CES5A: variants seen among roughly 807,000 people sequenced by gnomAD.
CES5A encodes carboxylesterase 5.
A neutral mutation model predicts 62.9 loss-of-function variants in CES5A; 67 were observed. The ratio of observed to expected loss-of-function variants is 1.07; its 90% CI spans 0.88 to 1.31. The LOEUF is 1.31. Ranked by LOEUF, CES5A falls within the 50% of genes most tolerant of loss-of-function variation. The pLI is 0.00. For missense variants in CES5A, 748 were observed against 708.5 expected (o/e 1.06, Z -0.63); for synonymous variants, 296 against 280.8 (o/e 1.05, Z -0.54).
At chr16:55,871,785 A>C (rs200930153) in intron 2 of CES5A, 22 bp from the exon 3 acceptor site, 4 of 1,610,582 alleles carry the variant, frequency 2.5e-6, no homozygotes, top group Non-Finnish European at 3.4e-6. Context: ...AGAGGAGAAA[A>C]CCCTCAGAAA....
chr16:55,875,960 G>GCCAAA (rs1314770090), upstream of CES5A, among the ~76,000 whole-genome samples: 1 of 152,120 alleles, frequency 6.6e-6, no homozygotes, highest in East Asian at 1.9e-4. Flanking sequence ...CCCCCATTTT[G>GCCAAA]GATGTCTTTC....
upstream of CES5A, among the ~76,000 whole-genome samples, chr16:55,876,413 G>A (rs1007320024): frequency 3.3e-5 from 5 of 152,136 alleles, no homozygotes; most frequent in South Asian, 6.2e-4. Context: ...CCATTACAAC[G>A]AAAGGGTGGT....
At chr16:55,849,348 A>AT (rs570857360) in intron 11 of CES5A, among the ~76,000 whole-genome samples, 381 of 73,576 alleles carry the variant, frequency 5.2e-3, no homozygotes, top group South Asian at 0.04. Flanking sequence ...GTTCTAGTAT[A>AT]TTAAAAAAAA....
chr16:55,854,840 C>A (rs1372032593), intron 9 of CES5A, among the ~76,000 whole-genome samples: 1 of 152,096 alleles, frequency 6.6e-6, no homozygotes, highest in Non-Finnish European at 1.5e-5. Flanking sequence ...TTTCAGAGGG[C>A]TTTTTCTAAA....
chr16:55,883,544 A>G (rs1469199561), intron 1 of CES5A, among the ~76,000 whole-genome samples: 1 of 152,178 alleles, frequency 6.6e-6, no homozygotes, highest in African/African-American at 2.4e-5. Context: ...GAGTGCTGGG[A>G]TTACAGGTGT....
At chr16:55,863,530 C>G (rs768955088) in intron 5 of CES5A, 78 bp from the exon 6 acceptor site, 2 of 810,802 alleles carry the variant, frequency 2.5e-6, no homozygotes, top group Non-Finnish European at 4.4e-6. Context: ...TTCAAAGAAA[C>G]CTTCCCAGGA....
At chr16:55,872,266 G>A (rs117904820) in intron 2 of CES5A, among the ~76,000 whole-genome samples, 8 of 152,286 alleles carry the variant, frequency 5.3e-5, no homozygotes, top group South Asian at 2.1e-4. Flanking sequence ...TGCTCAAGCC[G>A]GGCCCTTGCC....
At chr16:55,899,655 A>G (rs1056379835) in intron 1 of CES5A, among the ~76,000 whole-genome samples, 1 of 152,164 alleles carries the variant, frequency 6.6e-6, no homozygotes, top group Admixed American at 6.5e-5. Context: ...AGTCGTTCCC[A>G]ACCAAGGTGC....
At position 55,865,080 on chromosome 16, in the gene CES5A, C is replaced by T. The variant is rs181897436; in HGVS notation, c.705+883G>A. ...AATTAGCTGGGCATGGTGGCACATG[C>T]CTGTAATCCCAGCTACTCAGGAGGC... On this transcript the variant is annotated intron_variant, in intron 5 of 12. Coordinates refer to ENST00000290567, the MANE Select transcript of CES5A (RefSeq NM_001143685.2). Among the ~76,000 whole-genome samples the T allele has an allele frequency of 6.4e-4, 98 of 152,256 alleles. 1 individual carries two copies. Among genetic ancestry groups the T allele is most frequent in the African/African-American group, 2.3e-3 (96 of 41,542 alleles).
At chr16:55,914,480 C>T (rs139117031) in intron 1 of CES5A, among the ~76,000 whole-genome samples, 21 of 152,240 alleles carry the variant, frequency 1.4e-4, no homozygotes, top group East Asian at 5.8e-4. Flanking sequence ...CCTGAGGCTA[C>T]GCCAGGGGAT....
At position 55,863,341 on chromosome 16, in the gene CES5A, T is replaced by G. The variant is rs746378216; in HGVS notation, c.810+7A>C. 2 of 1,405,050 alleles carry G rather than the reference T, an allele frequency of 1.4e-6. No homozygotes were observed. Among genetic ancestry groups the G allele is most frequent in the South Asian group, 2.3e-5 (2 of 86,814 alleles). The allele number at this position is 1,405,050 out of a possible 1,614,324, so 87.0% of individuals were successfully genotyped here. A position where few individuals can be genotyped will look rare whatever the true frequency, so the allele number is the denominator to read the frequency against. ...GGAAGGTGGCAAGGTGTTAACAGTA[T>G]ACGTACGTCCTCACTCTTCTCATAA... On this transcript the variant is annotated splice_region_variant and intron_variant, in intron 6 of 12. Coordinates refer to ENST00000290567, the MANE Select transcript of CES5A (RefSeq NM_001143685.2).
rs1426601509 is a variant in CES5A, at chr16:55,915,087, C to G, written c.-256+10236G>C. 3.9e-5 allele frequency among the ~76,000 whole-genome samples: 6 copies of G among 151,966 alleles called. No individual in the cohort carries two copies. The East Asian group carries it at 1.2e-3, about 29-fold the overall frequency. On this transcript the variant is annotated intron_variant, in intron 1 of 12. Transcript: ENST00000518005. The stretch of plus-strand genomic sequence containing the variant: ...GTCCCATTGTGCATCAGAGACCAGT[C>G]TGTGTGTTGATATTACTCCAGGCTG...
chr16:55,948,115 A>G (rs1453905691), intron 2 of CES5A, among the ~76,000 whole-genome samples: 1 of 152,182 alleles, frequency 6.6e-6, no homozygotes, highest in Non-Finnish European at 1.5e-5. Context: ...ATCAATTTAG[A>G]GGTTGATTTT....
intron 10 of CES5A, among the ~76,000 whole-genome samples, chr16:55,850,055 T>G (rs1203620699): frequency 2.0e-5 from 3 of 152,236 alleles, no homozygotes; most frequent in African/African-American, 7.2e-5. Flanking sequence ...TCTCTCAAAG[T>G]TCAAGTCTTT....
In CES5A at chr16:55,860,383, C is replaced by G. The variant is rs529024512; in HGVS notation, c.916-696G>C. Among the ~76,000 whole-genome samples the G allele has an allele frequency of 3.3e-5, 5 of 152,312 alleles. No individual in the cohort carries two copies. The South Asian group carries it at 1.0e-3, about 32-fold the overall frequency. On this transcript the variant is annotated intron_variant, in intron 7 of 12. Coordinates refer to ENST00000290567, the MANE Select transcript of CES5A (RefSeq NM_001143685.2). ...CCTAGACCAGCAGCATCAGCATCAT[C>G]TGGGAACTTGTTATAAATGCACATT...
chr16:55,937,302 C>T (rs1295681819), intron 2 of CES5A, among the ~76,000 whole-genome samples: 1 of 152,216 alleles, frequency 6.6e-6, no homozygotes, highest in Non-Finnish European at 1.5e-5. Context: ...TCCATATCTG[C>T]CTCCCTCGCT....
intron 7 of CES5A, 103 bp from the exon 8 acceptor site, chr16:55,859,790 C>T: frequency 9.5e-7 from 1 of 1,055,560 alleles, no homozygotes; most frequent in Non-Finnish European, 1.4e-6. Flanking sequence ...CCCAGTCTAG[C>T]ACTGGCTTAA....
intron 10 of CES5A, among the ~76,000 whole-genome samples, chr16:55,850,240 C>T (rs1404417237): frequency 1.3e-5 from 2 of 152,158 alleles, no homozygotes; most frequent in Admixed American, 6.5e-5. Context: ...GTGAAATCTG[C>T]CCCTTGAACC....
At chr16:55,851,471 T>C (rs8062209) in intron 10 of CES5A, among the ~76,000 whole-genome samples, 7,035 of 152,304 alleles carry the variant, frequency 0.046, 486 homozygotes, top group African/African-American at 0.15. Context: ...ATAGTCATTA[T>C]TTAAAAAACA....
Sources: gnomAD v4.1 joint callset for allele counts (sites outside exome capture counted in the v4.1 genomes callset) on GRCh38, gnomAD v4.1.1 for gene constraint, MANE v1.5 for transcripts, NCBI Gene and HGNC (gene_info 2026-07-23, HGNC 2026-07-21) for gene names.